PLEKHG2: variants seen among roughly 807,000 people sequenced by gnomAD.
PLEKHG2 encodes the protein pleckstrin homology domain-containing family G member 2.
In PLEKHG2, 71 loss-of-function variants were observed where a neutral mutation model predicts 104.4. The ratio of observed to expected loss-of-function variants is 0.68; its 90% CI spans 0.56 to 0.83. The LOEUF (loss-of-function observed/expected upper bound fraction) is 0.83. Ranked by LOEUF, PLEKHG2 falls within the 40% of genes least tolerant of loss-of-function variation. The pLI, the probability that PLEKHG2 is intolerant of heterozygous loss-of-function variation, is 0.00. For synonymous variants in PLEKHG2, 728 were observed against 737.0 expected (o/e 0.99, Z 0.20); for missense variants, 1,730 against 1,809.4 (o/e 0.96, Z 0.80).
At position 39,421,442 on chromosome 19, in the gene PLEKHG2, T is replaced by TTGGGAGGTCAAG. The variant is rs2078698070; in HGVS notation, c.1503+144_1503+155dup. The TTGGGAGGTCAAG allele has an allele frequency of 1.8e-5, 18 of 1,013,176 alleles. No homozygotes were observed. In the Admixed American group the frequency reaches 1.8e-4, roughly 10 times the overall value. The allele number at this position is 1,013,176 out of a possible 1,614,324, so 62.8% of individuals were successfully genotyped here. A position where few individuals can be genotyped will look rare whatever the true frequency, so the allele number is the denominator to read the frequency against. ...AACTCATGCCTGTAATCTCAGTATT[T>TTGGGAGGTCAAG]TGGGAGGTCAAGGCAGGAGGATTGC... On this transcript the variant is annotated intron_variant, in intron 16 of 18. Transcript: ENST00000425673.
At position 39,417,010 on chromosome 19, in the gene PLEKHG2, G is replaced by A. The variant is rs2078616526; in HGVS notation, c.744+10G>A. On this transcript the variant is annotated intron_variant, in intron 7 of 18. Coordinates refer to ENST00000425673, the MANE Select transcript of PLEKHG2 (RefSeq NM_022835.3). The stretch of plus-strand genomic sequence containing the variant: ...CCATCTGCTGCTGCAGGTCAGCTGG[G>A]GCCCCTGGAGCCAGGCTGGGGAGGG... The A allele has an allele frequency of 5.0e-6, 8 of 1,591,692 alleles. No individual in the cohort carries two copies. The highest frequency in any genetic ancestry group is 6.0e-6 in the Non-Finnish European group (7 of 1,166,310).
chr19:39,414,839 C>T, intron 2 of PLEKHG2, 153 bp from the exon 3 acceptor site: 1 of 874,402 alleles, frequency 1.1e-6, no homozygotes, highest in East Asian at 2.7e-5. Context: ...GAGGATGGGA[C>T]TGGACCAAGA....
rs2078751499 is a variant in PLEKHG2 at position 39,424,440 on chromosome 19, G to A, written c.3307G>A (p.Asp1103Asn). ...ACCACCCTTGCCATGTCACCTCCCA[G>A]ACCTTCAGATTCCAGGTACCTCACC... The part of the protein sequence containing the change: ...TLPPLPCHLP[D>N]LQIPGTSPLP... The change falls in exon 19 of 19, where the codon GAC (aspartate) becomes AAC (asparagine). Residue 1103 changes from aspartate to asparagine, a missense_variant. Transcript: ENST00000425673. 2 of 1,613,910 alleles carry A rather than the reference G, an allele frequency of 1.2e-6. No individual in the cohort carries two copies. Among genetic ancestry groups the A allele is most frequent in the African/African-American group, 2.7e-5 (2 of 74,854 alleles).
chr19:39,416,392 T>C lies in PLEKHG2; in HGVS notation c.524T>C (p.Ile175Thr). The change falls in exon 5 of 19, where the codon ATT becomes ACT. Residue 175 changes from isoleucine (I) to threonine (T), a missense_variant. Coordinates refer to ENST00000425673, the MANE Select transcript of PLEKHG2 (RefSeq NM_022835.3). This position sits in a 1 kb window ranked among gnomAD's most constrained non-coding sequence, Gnocchi z 4.5. ...GAGAACAGCAGCAGCGCCGGGGGTA[T>C]TGCCGAGTGCTTCGTGCAGAGGGTG... ...DLENSSSAGG[I>T]AECFVQRSED... 1 of 1,612,962 alleles carries C rather than the reference T, an allele frequency of 6.2e-7. No homozygotes were observed. The highest frequency in any genetic ancestry group is 1.1e-5 in the South Asian group (1 of 91,022).
chr19:39,416,882 C>T lies in PLEKHG2; in HGVS notation c.626C>T (p.Ser209Phe), dbSNP rs1331259529. Residue 209 changes from serine (S) to phenylalanine (F), a missense_variant, in exon 7 of 19, where the codon TCT becomes TTT. Ser to Phe is a radical substitution (Grantham distance 155). Transcript: ENST00000425673. This position sits in a 1 kb window ranked among gnomAD's most constrained non-coding sequence, Gnocchi z 4.5. ...GCCCTGCTCCGGGAGCTGTCGTTGT[C>T]TCCGCCAGCAGCCCTGTGGCTGCAG... ...SLALLRELSLSPPAALWLQER... is the reference protein window; with the variant it reads ...SLALLRELSLFPPAALWLQER... 1.2e-5 allele frequency: 20 copies of T among 1,611,448 alleles called. No individual in the cohort carries two copies. Among genetic ancestry groups the T allele is most frequent in the Non-Finnish European group, 1.4e-5 (17 of 1,179,222 alleles).
Position 39,415,468 on chromosome 19 carries a change from C to T in PLEKHG2, c.479+29C>T. The T allele has an allele frequency of 6.2e-7, 1 of 1,610,018 alleles. No homozygotes were observed. The highest frequency in any genetic ancestry group is 1.1e-5 in the South Asian group (1 of 90,732). ...AGGGGCAGGGGGGACAGGCAGGGGGCATTGATTGGTTGGAGGGTCTATTTC... is the reference window on the plus strand; with the variant it reads ...AGGGGCAGGGGGGACAGGCAGGGGGTATTGATTGGTTGGAGGGTCTATTTC... On this transcript the variant is annotated intron_variant, in intron 4 of 18. Coordinates refer to ENST00000425673, the MANE Select transcript of PLEKHG2 (RefSeq NM_022835.3). This position sits in a 1 kb window ranked among gnomAD's most constrained non-coding sequence, Gnocchi z 4.6.
In PLEKHG2 at chr19:39,415,929, C is replaced by A. The variant is rs1385504244; in HGVS notation, c.480-419C>A. ...CAGTTTTAGCACTGAAAGCCCTCGTCCTAGGAAACTGCTCAGTCCCGGACA... is the reference window on the plus strand; with the variant it reads ...CAGTTTTAGCACTGAAAGCCCTCGTACTAGGAAACTGCTCAGTCCCGGACA... On this transcript the variant is annotated intron_variant, in intron 4 of 18. Coordinates refer to ENST00000425673, the MANE Select transcript of PLEKHG2 (RefSeq NM_022835.3). The surrounding 1 kb of genome is among the most constrained non-coding windows in gnomAD (Gnocchi z 4.6). Among the ~76,000 whole-genome samples, 4 of 152,168 alleles carry A rather than the reference C, an allele frequency of 2.6e-5. No individual in the cohort carries two copies. Among genetic ancestry groups the A allele is most frequent in the Non-Finnish European group, 5.9e-5 (4 of 68,020 alleles).
At position 39,415,297 on chromosome 19, in the gene PLEKHG2, A is replaced by G. The variant is rs769980925; in HGVS notation, c.378+37A>G. The G allele has an allele frequency of 2.7e-5, 43 of 1,607,356 alleles. No homozygotes were observed. The East Asian group carries it at 9.0e-4, about 33-fold the overall frequency. On this transcript the variant is annotated intron_variant, in intron 3 of 18. Transcript: ENST00000425673. The surrounding 1 kb of genome is among the most constrained non-coding windows in gnomAD (Gnocchi z 4.6). ...AGACACCAGAGGGCAGTGGGTACCC[A>G]GGCCAGCCCCTTGGCCCCCATAACC...
intron 17 of PLEKHG2, 27 bp downstream of exon 17, chr19:39,422,315 C>T (rs767023233): frequency 3.1e-6 from 5 of 1,600,180 alleles, no homozygotes; most frequent in Non-Finnish European, 3.4e-6. Flanking sequence ...ATCATGGTGT[C>T]CTTGGGCCTC....
Position 39,423,581 on chromosome 19 carries a change from C to G in PLEKHG2, c.2527C>G (p.Pro843Ala). 2.6e-6 allele frequency: 4 copies of G among 1,533,350 alleles called. No homozygotes were observed. The highest frequency in any genetic ancestry group is 3.5e-6 in the Non-Finnish European group (4 of 1,141,212). 95.0% of individuals were successfully genotyped at this position (1,533,350 alleles called of 1,614,324 possible). A position where few individuals can be genotyped will look rare whatever the true frequency, so the allele number is the denominator to read the frequency against. Residue 843 changes from proline to alanine, a missense_variant, in exon 18 of 19, where the codon CCG becomes GCG. Coordinates refer to ENST00000425673, the MANE Select transcript of PLEKHG2 (RefSeq NM_022835.3). Reference protein sequence around the residue: ...RAETRASANAPRRRPRVLAQP... With the variant: ...RAETRASANAARRRPRVLAQP... Reference sequence around the variant, plus strand: ...GGAGACTCGGGCATCAGCCAATGCCCCGCGCCGCCGGCCTCGGGTTCTGGC... The same window carrying G: ...GGAGACTCGGGCATCAGCCAATGCCGCGCGCCGCCGGCCTCGGGTTCTGGC...
chr19:39,418,636 G>A, intron 9 of PLEKHG2, 98 bp from the exon 10 acceptor site: 1 of 923,948 alleles, frequency 1.1e-6, no homozygotes, highest in Non-Finnish European at 1.7e-6. Context: ...CATCTTCCTA[G>A]GGAGGAGGAC....
rs1167343090 is a variant in PLEKHG2 at position 39,416,333 on chromosome 19, C to T, written c.480-15C>T. On this transcript the variant is annotated splice_polypyrimidine_tract_variant and intron_variant, in intron 4 of 18. Coordinates refer to ENST00000425673, the MANE Select transcript of PLEKHG2 (RefSeq NM_022835.3). The surrounding 1 kb of genome is among the most constrained non-coding windows in gnomAD (Gnocchi z 4.5). ...TGAAGGCAGGCGGTTCCTCACCCTC[C>T]CCTCTCCCCTGTAGCGAGCTCCTGG... 2 of 1,612,304 alleles carry T rather than the reference C, an allele frequency of 1.2e-6. No individual in the cohort carries two copies. Among genetic ancestry groups the T allele is most frequent in the Admixed American group, 1.7e-5 (1 of 59,978 alleles).
At position 39,424,907 on chromosome 19, in the gene PLEKHG2, A is replaced by C. The variant is rs1600668249; in HGVS notation, c.3774A>C (p.Pro1258=). ...GGTTGGAGTCTTCAGACTTGACGCC[A>C]CCTCATAGTCCCCCACCTTCCAGCC... is the stretch of plus-strand genomic sequence containing the variant. ...VARLESSDLT[P]PHSPPPSSRQ... The change falls in exon 19 of 19, where the codon CCA becomes CCC. Residue 1258 remains proline (P), a synonymous_variant. Transcript: ENST00000425673. 1 of 1,614,002 alleles carries C rather than the reference A, an allele frequency of 6.2e-7. No homozygotes were observed. Among genetic ancestry groups the C allele is most frequent in the Non-Finnish European group, 8.5e-7 (1 of 1,179,978 alleles).
Position 39,425,122 on chromosome 19 carries a change from C to A in PLEKHG2, c.3989C>A (p.Ala1330Asp), listed in dbSNP as rs771586422. Residue 1330 changes from alanine to aspartate, a missense_variant, in exon 19 of 19, where the codon GCC (alanine) becomes GAC (aspartate). By Grantham distance (126) the Ala-to-Asp change is moderately radical (BLOSUM62 -2). Transcript: ENST00000425673. ...CAGCCCCAGCCACCACCTCCCCCAGCCAGGCGGCTCAGCTATGCCACGACG... is the reference window on the plus strand; with the variant it reads ...CAGCCCCAGCCACCACCTCCCCCAGACAGGCGGCTCAGCTATGCCACGACG... ...PPQPQPPPPPARRLSYATTVN... is the reference protein window; with the variant it reads ...PPQPQPPPPPDRRLSYATTVN... 2.5e-6 allele frequency: 4 copies of A among 1,585,660 alleles called. No individual in the cohort carries two copies. Among genetic ancestry groups the A allele is most frequent in the Admixed American group, 1.8e-5 (1 of 55,244 alleles).
At position 39,420,967 on chromosome 19, in the gene PLEKHG2, C is replaced by T; in HGVS notation, c.1418C>T (p.Ser473Phe). 6.2e-7 allele frequency: 1 copy of T among 1,614,062 alleles called. No homozygotes were observed. The highest frequency in any genetic ancestry group is 8.5e-7 in the Non-Finnish European group (1 of 1,180,010). The change falls in exon 14 of 19, where the codon TCT (serine) becomes TTT (phenylalanine). Residue 473 changes from serine (S) to phenylalanine (F), a missense_variant. By Grantham distance (155) the Ser-to-Phe change is radical. Coordinates refer to ENST00000425673, the MANE Select transcript of PLEKHG2 (RefSeq NM_022835.3). ...CCCACAGCTCCATCTCCTGGGCCCT[C>T]TGTGATTCGCCGAGGCCGCAGGCAG... ...RRNTAPSPGP[S>F]VIRRGRRQSE...
At position 39,420,657 on chromosome 19, in the gene PLEKHG2, A is replaced by T; in HGVS notation, c.1295A>T (p.His432Leu). The T allele has an allele frequency of 2.5e-6, 4 of 1,614,128 alleles. No individual in the cohort carries two copies. The highest frequency in any genetic ancestry group is 3.4e-6 in the Non-Finnish European group (4 of 1,179,994). ...CAAGTTCTCCTTGAAAACAGCCTGC[A>T]TTGTGAGTTGGGGCCTTGGGCTGGG... ...AKQVLLENSL[H>L]CAPKSKPVLE... Residue 432 changes from histidine to leucine, a missense_variant and splice_region_variant, in exon 12 of 19, where the codon CAT (histidine) becomes CTT (leucine). Physicochemically the swap from His to Leu is moderately conservative, Grantham distance 99 (BLOSUM62 -3). Coordinates refer to ENST00000425673, the MANE Select transcript of PLEKHG2 (RefSeq NM_022835.3).
Position 39,424,848 on chromosome 19 carries a change from A to G in PLEKHG2, c.3715A>G (p.Lys1239Glu). ...TPVQTTMVLS[K>E]PGGSLASHVA... The stretch of plus-strand genomic sequence containing the variant: ...AGTTCAGACCACCATGGTTTTGTCC[A>G]AACCAGGAGGCTCCTTAGCCTCTCA... Residue 1239 changes from lysine (K) to glutamate (E), a missense_variant, in exon 19 of 19, where the codon AAA becomes GAA. Lys to Glu is a moderately conservative substitution (Grantham distance 56). Coordinates refer to ENST00000425673, the MANE Select transcript of PLEKHG2 (RefSeq NM_022835.3). 1 of 1,614,170 alleles carries G rather than the reference A, an allele frequency of 6.2e-7. No homozygotes were observed. The highest frequency in any genetic ancestry group is 8.5e-7 in the Non-Finnish European group (1 of 1,180,030).
At position 39,418,749 on chromosome 19, in the gene PLEKHG2, G is replaced by T; in HGVS notation, c.1099G>T (p.Val367Leu). Residue 367 changes from valine to leucine, a missense_variant, in exon 10 of 19, where the codon GTG becomes TTG. Physicochemically the swap from Val to Leu is conservative, Grantham distance 32. Transcript: ENST00000425673. Reference protein sequence around the residue: ...KGHIFCCNLSVSESPRDPLGF... With the variant: ...KGHIFCCNLSLSESPRDPLGF... ...TTCCTTCCAGTGCTGCAACCTGAGCGTGAGCGAGAGTCCCCGAGACCCTCT... is the reference window on the plus strand; with the variant it reads ...TTCCTTCCAGTGCTGCAACCTGAGCTTGAGCGAGAGTCCCCGAGACCCTCT... 6.2e-7 allele frequency: 1 copy of T among 1,612,830 alleles called. No individual in the cohort carries two copies. The highest frequency in any genetic ancestry group is 8.5e-7 in the Non-Finnish European group (1 of 1,179,136).
In PLEKHG2 at chr19:39,423,940, C is replaced by T; in HGVS notation, c.2807C>T (p.Thr936Ile). The T allele has an allele frequency of 3.1e-6, 5 of 1,614,188 alleles. No individual in the cohort carries two copies. The highest frequency in any genetic ancestry group is 4.2e-6 in the Non-Finnish European group (5 of 1,180,008). ...DLPGIHVSAA[T>I]LLPEQGGSRH... ...CCGGGCATCCACGTTTCAGCTGCTACCCTTTTGCCTGAGCAAGGAGGTTCC... is the reference window on the plus strand; with the variant it reads ...CCGGGCATCCACGTTTCAGCTGCTATCCTTTTGCCTGAGCAAGGAGGTTCC... Residue 936 changes from threonine to isoleucine, a missense_variant, in exon 19 of 19, where the codon ACC becomes ATC. Coordinates refer to ENST00000425673, the MANE Select transcript of PLEKHG2 (RefSeq NM_022835.3).
Sources: gnomAD v4.1 joint callset for allele counts (sites outside exome capture counted in the v4.1 genomes callset) on GRCh38, gnomAD v4.1.1 for gene constraint, Gnocchi (gnomAD v3.1) non-coding constraint, MANE v1.5 for transcripts, NCBI Gene and HGNC (gene_info 2026-07-23, HGNC 2026-07-21) for gene names.